The following MYO7A variants were observed in gnomAD, a reference collection of about 807,000 sequenced individuals.
MYO7A encodes myosin VIIA.
A neutral mutation model predicts 263.8 loss-of-function variants in MYO7A; 210 were observed. The observed-to-expected ratio is 0.80, with a 90% confidence interval of 0.71 to 0.89. The LOEUF is 0.89. Among genes scored for constraint, MYO7A ranks in the 40% least tolerant of loss-of-function variants. The pLI is 0.00. For missense variants in MYO7A, 2,820 were observed against 2,968.3 expected (o/e 0.95, Z 1.16); for synonymous variants, 1,239 against 1,197.3 (o/e 1.03, Z -0.72).
intron 16 of MYO7A, among the ~76,000 whole-genome samples, chr11:77,173,940 C>A (rs554987083): frequency 6.6e-6 from 1 of 152,114 alleles, no homozygotes; most frequent in South Asian, 2.1e-4. Context: ...GAAGTGGGAC[C>A]CTTCCCTCGG....
At position 77,147,710 on chromosome 11, in the gene MYO7A, C is replaced by T. The variant is rs12279716; in HGVS notation, c.133-88C>T. On this transcript the variant is annotated intron_variant, in intron 3 of 48. Transcript: ENST00000409709. ...AGGCCCTTACCCGGGTTGGCACTCA[C>T]CCCGCGCTCCCGCCCGTCCCGGCCC... is the stretch of plus-strand genomic sequence containing the variant. 265,019 of 1,539,626 alleles carry T rather than the reference C, an allele frequency of 0.17. 24,606 individuals carry two copies. Among genetic ancestry groups the T allele is most frequent in the East Asian group, 0.31 (12,738 of 40,854 alleles).
At chr11:77,177,735 T>A in intron 19 of MYO7A, 92 bp downstream of exon 19, 11 of 1,057,112 alleles carry the variant, frequency 1.0e-5, no homozygotes, top group Admixed American at 4.2e-5. Context: ...GCATGAACAC[T>A]AGGAAAAAAA....
chr11:77,174,373 C>G (rs1410753305), intron 16 of MYO7A, among the ~76,000 whole-genome samples: 1 of 152,210 alleles, frequency 6.6e-6, no homozygotes, highest in Non-Finnish European at 1.5e-5. Flanking sequence ...CTAGCTCCCT[C>G]AAGATTCCCA....
intron 23 of MYO7A, 39 bp downstream of exon 23, chr11:77,181,628 C>T (rs1955192398): frequency 6.3e-7 from 1 of 1,579,930 alleles, no homozygotes; most frequent in Non-Finnish European, 8.7e-7. Context: ...GGCCCACACA[C>T]ACCGCTTGTG....
At chr11:77,174,300 TC>T (rs1379012402) in intron 16 of MYO7A, among the ~76,000 whole-genome samples, 2 of 152,138 alleles carry the variant, frequency 1.3e-5, no homozygotes, top group Admixed American at 1.3e-4. Flanking sequence ...TGAAAGGTCC[TC>T]CCTGGGGCTG....
chr11:77,132,464 G>T (rs574723617), intron 2 of MYO7A, among the ~76,000 whole-genome samples: 1 of 150,616 alleles, frequency 6.6e-6, no homozygotes, highest in African/African-American at 2.4e-5. Flanking sequence ...GGGAAAACAG[G>T]GGTTTTGTTT....
chr11:77,202,495 G>A (rs1463294162), intron 37 of MYO7A, 71 bp downstream of exon 37: 1 of 1,511,116 alleles, frequency 6.6e-7, no homozygotes, highest in East Asian at 2.5e-5. Context: ...GTCTGGTCGT[G>A]TGCTGGGGCT....
intron 34 of MYO7A, 83 bp downstream of exon 34, chr11:77,198,704 G>A: frequency 7.0e-6 from 11 of 1,581,582 alleles, no homozygotes; most frequent in Non-Finnish European, 9.5e-6. Flanking sequence ...AGGAAGTGAA[G>A]AGGCATGAAG....
chr11:77,211,357 C>G lies in MYO7A; in HGVS notation c.6237+20C>G. ...AAGCGGGTGAGCATGGGGTGGGCAT[C>G]GGGAATGGTGGGGCCCTGAATGGGC... On this transcript the variant is annotated intron_variant, in intron 45 of 48. Coordinates refer to ENST00000409709, the MANE Select transcript of MYO7A (RefSeq NM_000260.4). 1 of 1,563,400 alleles carries G rather than the reference C, an allele frequency of 6.4e-7. No homozygotes were observed. The highest frequency in any genetic ancestry group is 8.7e-7 in the Non-Finnish European group (1 of 1,153,746).
Position 77,155,912 on chromosome 11 carries a change from T to TGCCACC in MYO7A, c.291_292insGCCACC (p.Tyr97_Thr98insAlaThr). Reference sequence around the variant, plus strand: ...CCATCTCTTGCTGCCCGCAGACGTATACGGGCTCCATCCTGGTGGCTGTGA... The same window carrying TGCCACC: ...CCATCTCTTGCTGCCCGCAGACGTATGCCACCACGGGCTCCATCCTGGTGGCTGTGA... On this transcript the variant is annotated inframe_insertion, in exon 5 of 49. Coordinates refer to ENST00000409709, the MANE Select transcript of MYO7A (RefSeq NM_000260.4). 1 of 1,601,462 alleles carries TGCCACC rather than the reference T, an allele frequency of 6.2e-7. No individual in the cohort carries two copies. The highest frequency in any genetic ancestry group is 8.5e-7 in the Non-Finnish European group (1 of 1,172,714).
chr11:77,203,652 GGA>G (rs1400833480), intron 38 of MYO7A, among the ~76,000 whole-genome samples: 1 of 152,086 alleles, frequency 6.6e-6, no homozygotes. Flanking sequence ...GGAGGGAGGG[GGA>G]GTGTTCCAGA....
intron 4 of MYO7A, among the ~76,000 whole-genome samples, chr11:77,149,093 A>T (rs1325510168): frequency 6.6e-6 from 1 of 152,216 alleles, no homozygotes; most frequent in Non-Finnish European, 1.5e-5. Flanking sequence ...CAGACAGGGA[A>T]ACTGAGACTC....
intron 3 of MYO7A, among the ~76,000 whole-genome samples, chr11:77,147,571 G>A (rs1951656584): frequency 1.3e-5 from 2 of 151,986 alleles, no homozygotes; most frequent in Non-Finnish European, 2.9e-5. Flanking sequence ...CCACCTCTTA[G>A]GTCTGCGGGA....
intron 14 of MYO7A, among the ~76,000 whole-genome samples, chr11:77,163,948 G>A (rs1953273954): frequency 6.6e-6 from 1 of 152,124 alleles, no homozygotes; most frequent in Non-Finnish European, 1.5e-5. Context: ...ATGCTTGTTT[G>A]CACATTTAGG....
intron 39 of MYO7A, among the ~76,000 whole-genome samples, chr11:77,205,177 G>T (rs896277569): frequency 6.6e-6 from 1 of 152,218 alleles, no homozygotes; most frequent in Non-Finnish European, 1.5e-5. Context: ...TAACCCGGTG[G>T]CTTTTCATTG....
chr11:77,167,736 T>C (rs782169672), intron 15 of MYO7A, among the ~76,000 whole-genome samples: 3 of 152,140 alleles, frequency 2.0e-5, no homozygotes, highest in Non-Finnish European at 4.4e-5. Flanking sequence ...TCCTTCTTCC[T>C]TCCTGCCTGC....
In MYO7A at chr11:77,198,487, C is replaced by T. The variant is rs1005449927; in HGVS notation, c.4442-8C>T. The T allele has an allele frequency of 5.6e-6, 9 of 1,613,096 alleles. No homozygotes were observed. The highest frequency in any genetic ancestry group is 5.0e-5 in the Admixed American group (3 of 59,992). On this transcript the variant is annotated splice_polypyrimidine_tract_variant and splice_region_variant and intron_variant, in intron 33 of 48. Transcript: ENST00000409709. ...GGCCTGCCTCTCAGTGCCTTGGTCT[C>T]GTCCCAGGCCCCAGTCTCCCCAAGA...
chr11:77,166,091 G>A lies in MYO7A; in HGVS notation c.1726G>A (p.Asp576Asn), dbSNP rs187165412. The A allele has an allele frequency of 7.7e-5, 125 of 1,613,914 alleles. No individual in the cohort carries two copies. The African/African-American group carries it at 1.5e-3, about 19-fold the overall frequency. ...LEKNRDTLHG[D>N]IIQLVHSSRN... ...GAAGAACCGAGACACCCTGCATGGG[G>A]ACATTATCCAGCTGGTCCACTCCTC... Residue 576 changes from aspartate (D) to asparagine (N), a missense_variant, in exon 15 of 49, where the codon GAC becomes AAC. Physicochemically the swap from Asp to Asn is conservative, Grantham distance 23. Coordinates refer to ENST00000409709, the MANE Select transcript of MYO7A (RefSeq NM_000260.4).
chr11:77,214,479 C>T (rs1217251056), intron 48 of MYO7A, 128 bp from the exon 49 acceptor site: 3 of 715,812 alleles, frequency 4.2e-6, no homozygotes, highest in Non-Finnish European at 5.0e-6. Flanking sequence ...GGAGATAAGC[C>T]CTGAGTAGGA....
Sources: allele counts gnomAD v4.1 joint callset (sites outside exome capture counted in the v4.1 genomes callset), GRCh38; gene constraint gnomAD v4.1.1; transcripts MANE v1.5; gene names NCBI Gene and HGNC (gene_info 2026-07-23, HGNC 2026-07-21).